ZC3H14: variants seen among roughly 807,000 people sequenced by gnomAD.
ZC3H14 encodes zinc finger CCCH domain-containing protein 14.
A neutral mutation model predicts 92.4 loss-of-function variants in ZC3H14; 31 were observed. The observed-to-expected ratio is 0.34, with a 90% confidence interval of 0.25 to 0.45. ZC3H14 has a LOEUF of 0.45. Ranked by LOEUF, ZC3H14 falls within the 20% of genes least tolerant of loss-of-function variation. The pLI, the probability that ZC3H14 is intolerant of heterozygous loss-of-function variation, is 1.00. For missense variants in ZC3H14, 781 were observed against 897.3 expected, an observed-to-expected ratio of 0.87 and a Z score of 1.66; for synonymous variants, 321 against 300.9, an observed-to-expected ratio of 1.07 and a Z score of -0.69.
intron 10 of ZC3H14, among the ~76,000 whole-genome samples, chr14:88,599,342 T>C (rs2084280602): frequency 6.6e-6 from 1 of 152,310 alleles, no homozygotes; most frequent in East Asian, 1.9e-4. Flanking sequence ...TTTACACTTA[T>C]TTTCTTTGTG....
intron 3 of ZC3H14, among the ~76,000 whole-genome samples, chr14:88,570,791 C>T (rs10147726): frequency 6.6e-6 from 1 of 152,138 alleles, no homozygotes; most frequent in African/African-American, 2.4e-5. Flanking sequence ...TTTGAAAGTT[C>T]ATACCATTTA....
At position 88,597,092 on chromosome 14, in the gene ZC3H14, G is replaced by A. The variant is rs560501110; in HGVS notation, c.1354+284G>A. Among the ~76,000 whole-genome samples, 9 of 152,252 alleles carry A rather than the reference G, an allele frequency of 5.9e-5. No individual in the cohort carries two copies. In the South Asian group the frequency reaches 1.0e-3, roughly 18 times the overall value. ...TCTCCTGCTGTCAGGAGTGACCTGC[G>A]TTTCTGATTTACCCTCCCACTCTAC... On this transcript the variant is annotated intron_variant, in intron 10 of 16. Coordinates refer to ENST00000251038, the MANE Select transcript of ZC3H14 (RefSeq NM_024824.5).
chr14:88,593,537 C>T (rs746920975), intron 9 of ZC3H14, among the ~76,000 whole-genome samples: 17 of 152,054 alleles, frequency 1.1e-4, no homozygotes, highest in Non-Finnish European at 1.5e-4. Context: ...CATACAGACC[C>T]GTGGACCGGA....
chr14:88,589,597 G>C (rs2139874671), intron 9 of ZC3H14: 1 of 152,202 alleles, frequency 6.6e-6, no homozygotes, highest in Non-Finnish European at 1.5e-5. Context: ...GCTCAACTAT[G>C]AATTTTCCTC....
chr14:88,571,344 G>A (rs2080361776), intron 4 of ZC3H14, among the ~76,000 whole-genome samples: 2 of 151,930 alleles, frequency 1.3e-5, no homozygotes, highest in Non-Finnish European at 2.9e-5. Flanking sequence ...TTATCCGAAG[G>A]AAATAATTAC....
chr14:88,568,431 C>A (rs898532029), intron 3 of ZC3H14, among the ~76,000 whole-genome samples: 1 of 152,154 alleles, frequency 6.6e-6, no homozygotes, highest in Non-Finnish European at 1.5e-5. Context: ...CTTCACAAGT[C>A]GACAGGAAAG....
In ZC3H14 at chr14:88,616,151, TCA is replaced by T; in HGVS notation, c.*4402_*4403del. The stretch of plus-strand genomic sequence containing the variant: ...TGAGAAAGTTACTAACCTGCAGTCA[TCA>T]CCTCCAGCACTAACAACATGTCGAT... On this transcript the variant is annotated 3_prime_UTR_variant, in exon 17 of 17. Coordinates refer to ENST00000251038, the MANE Select transcript of ZC3H14 (RefSeq NM_024824.5). The T allele has an allele frequency of 6.2e-7, 1 of 1,613,882 alleles. No individual in the cohort carries two copies. Among genetic ancestry groups the T allele is most frequent in the Non-Finnish European group, 8.5e-7 (1 of 1,179,782 alleles).
chr14:88,597,376 A>G (rs1004732488), intron 10 of ZC3H14, among the ~76,000 whole-genome samples: 1 of 152,138 alleles, frequency 6.6e-6, no homozygotes, highest in Non-Finnish European at 1.5e-5. Context: ...TGCCAGATGC[A>G]TGTTCAATGT....
chr14:88,592,888 G>A (rs921089974), intron 9 of ZC3H14, among the ~76,000 whole-genome samples: 1 of 151,904 alleles, frequency 6.6e-6, no homozygotes, highest in Non-Finnish European at 1.5e-5. Flanking sequence ...TGCTTGGGGA[G>A]TAAACCAAAG....
chr14:88,578,279 T>C (rs2081420223), intron 9 of ZC3H14, 139 bp downstream of exon 9: 1 of 1,301,770 alleles, frequency 7.7e-7, no homozygotes, highest in Non-Finnish European at 1.1e-6. Context: ...AAGAATACCA[T>C]GAGGAAGGTT....
rs973965354 is a variant in ZC3H14 at position 88,623,786 on chromosome 14, G to A, written c.*12035G>A. ...GGTGTTAAAATATCTCACTGGAACA[G>A]TTTAGCAGGCTTCTAGTGAGTGGGG... On this transcript the variant is annotated 3_prime_UTR_variant, in exon 17 of 17. Coordinates refer to ENST00000251038, the MANE Select transcript of ZC3H14 (RefSeq NM_024824.5). 6.6e-6 allele frequency: 1 copy of A among 152,212 alleles called. No individual in the cohort carries two copies. Among genetic ancestry groups the A allele is most frequent in the Non-Finnish European group, 1.5e-5 (1 of 68,048 alleles). 9.4% of individuals were successfully genotyped at this position (152,212 alleles called of 1,614,324 possible).
rs755825999 is a variant in ZC3H14 at position 88,621,387 on chromosome 14, G to C, written c.*9636G>C. ...AATATAAAAATGACCCTATTGACCTGCTTTCAGAGAACTTTTTGCTTTGAG... is the reference window on the plus strand; with the variant it reads ...AATATAAAAATGACCCTATTGACCTCCTTTCAGAGAACTTTTTGCTTTGAG... On this transcript the variant is annotated 3_prime_UTR_variant, in exon 17 of 17. Transcript: ENST00000251038. 94 of 1,528,242 alleles carry C rather than the reference G, an allele frequency of 6.2e-5. No homozygotes were observed. The highest frequency in any genetic ancestry group is 8.3e-5 in the Non-Finnish European group (93 of 1,115,862). The allele number at this position is 1,528,242 out of a possible 1,614,324, so 94.7% of individuals were successfully genotyped here.
At chr14:88,580,915 A>G (rs1284020016) in intron 9 of ZC3H14, among the ~76,000 whole-genome samples, 2 of 152,246 alleles carry the variant, frequency 1.3e-5, no homozygotes, top group East Asian at 1.9e-4. Flanking sequence ...AAGAAAATGG[A>G]CTAGCATATT....
intron 9 of ZC3H14, among the ~76,000 whole-genome samples, chr14:88,581,286 C>T (rs2081881073): frequency 6.6e-6 from 1 of 152,068 alleles, no homozygotes; most frequent in African/African-American, 2.4e-5. Context: ...GGGCTGGGTG[C>T]AGTTGCTCAC....
chr14:88,596,757 T>G lies in ZC3H14; in HGVS notation c.1303T>G (p.Ser435Ala). ...NQGTQQRQLLSRLQIDPVMAE... is the reference protein window; with the variant it reads ...NQGTQQRQLLARLQIDPVMAE... ...AGGAACTCAACAGAGGCAATTATTATCCCGACTGCAAATCGACCCAGTAAT... is the reference window on the plus strand; with the variant it reads ...AGGAACTCAACAGAGGCAATTATTAGCCCGACTGCAAATCGACCCAGTAAT... Residue 435 changes from serine (S) to alanine (A), a missense_variant, in exon 10 of 17, where the codon TCC (serine) becomes GCC (alanine). By Grantham distance (99) the Ser-to-Ala change is moderately conservative. Transcript: ENST00000251038. 1 of 1,614,038 alleles carries G rather than the reference T, an allele frequency of 6.2e-7. No homozygotes were observed. The highest frequency in any genetic ancestry group is 8.5e-7 in the Non-Finnish European group (1 of 1,179,954).
At chr14:88,606,930 T>C (rs2085502200) in intron 12 of ZC3H14, among the ~76,000 whole-genome samples, 1 of 152,118 alleles carries the variant, frequency 6.6e-6, no homozygotes, top group East Asian at 1.9e-4. Context: ...AGTTCCCCAC[T>C]TGACGTCCTT....
chr14:88,600,285 A>G (rs539699245), intron 10 of ZC3H14, among the ~76,000 whole-genome samples: 2 of 152,360 alleles, frequency 1.3e-5, no homozygotes, highest in Non-Finnish European at 2.9e-5. Flanking sequence ...GTGTGAGACC[A>G]GGACAGACAG....
At chr14:88,595,540 A>G (rs142787922) in intron 9 of ZC3H14, among the ~76,000 whole-genome samples, 85 of 152,322 alleles carry the variant, frequency 5.6e-4, no homozygotes, top group African/African-American at 2.0e-3. Context: ...CAGGAATGCA[A>G]CTTGACCTAA....
At chr14:88,573,650 A>ATT (rs1215104473) in intron 6 of ZC3H14, 3 of 152,042 alleles carry the variant, frequency 2.0e-5, no homozygotes, top group Non-Finnish European at 4.4e-5. Flanking sequence ...GCTGGTCTTG[A>ATT]AATCCTGGCC....
Sources: allele counts gnomAD v4.1 joint callset (sites outside exome capture counted in the v4.1 genomes callset), GRCh38; gene constraint gnomAD v4.1.1; transcripts MANE v1.5; gene names NCBI Gene and HGNC (gene_info 2026-07-23, HGNC 2026-07-21).